Variants in EIF4E2 observed in about 807,000 individuals in gnomAD.
EIF4E2 encodes the protein eukaryotic translation initiation factor 4E family member 2.
In EIF4E2, 13 loss-of-function variants were observed where a neutral mutation model predicts 34.2. The ratio of observed to expected loss-of-function variants is 0.38; its 90% CI spans 0.25 to 0.60. The LOEUF (loss-of-function observed/expected upper bound fraction) is 0.60. EIF4E2 is among the 20% of genes least tolerant of loss of function. EIF4E2 has a pLI of 0.62. For synonymous variants in EIF4E2, 100 were observed against 106.6 expected (o/e 0.94, Z 0.38); for missense variants, 222 against 315.1 (o/e 0.70, Z 2.24).
chr2:232,568,384 C>G (rs993936182), intron 6 of EIF4E2: 2 of 985,270 alleles, frequency 2.0e-6, no homozygotes, highest in East Asian at 2.3e-4. Context: ...TAGTCACGAA[C>G]AGTTATTAGC....
chr2:232,580,099 C>T (rs1289565305), intron 6 of EIF4E2, among the ~76,000 whole-genome samples: 1 of 68,832 alleles, frequency 1.5e-5, no homozygotes, highest in Non-Finnish European at 3.0e-5. Context: ...CACACACACA[C>T]ACACACACAC....
chr2:232,558,899 A>G (rs1692618079), intron 3 of EIF4E2: 1 of 152,136 alleles, frequency 6.6e-6, no homozygotes, highest in Non-Finnish European at 1.5e-5. Flanking sequence ...TCTCTCTCCC[A>G]GGTGACTTGG....
rs941629256 is a variant in EIF4E2 at position 232,550,864 on chromosome 2, G to A, written c.20+120G>A. On this transcript the variant is annotated intron_variant, in intron 1 of 6. Transcript: ENST00000258416. ...CCGGCTTCCCTGCTGGGATCCGGCTGCGGCCGGACCTGGCCTGGACTGGCG... is the reference window on the plus strand; with the variant it reads ...CCGGCTTCCCTGCTGGGATCCGGCTACGGCCGGACCTGGCCTGGACTGGCG... The A allele has an allele frequency of 1.0e-5, 11 of 1,054,632 alleles. No individual in the cohort carries two copies. In the African/African-American group the frequency reaches 1.8e-4, roughly 18 times the overall value. 65.3% of individuals were successfully genotyped at this position (1,054,632 alleles called of 1,614,324 possible). A position where few individuals can be genotyped will look rare whatever the true frequency, so the allele number is the denominator to read the frequency against.
chr2:232,567,688 A>T (rs1208639626), intron 6 of EIF4E2: 4 of 1,004,704 alleles, frequency 4.0e-6, no homozygotes, highest in Non-Finnish European at 4.7e-6. Flanking sequence ...TATAGAGCTG[A>T]CTCTTAGAAG....
At chr2:232,576,670 T>C (rs1407958382) in intron 6 of EIF4E2, among the ~76,000 whole-genome samples, 1 of 152,210 alleles carries the variant, frequency 6.6e-6, no homozygotes, top group Non-Finnish European at 1.5e-5. Flanking sequence ...AAAAATCCAC[T>C]CACTTCATTG....
At chr2:232,577,306 G>A (rs13393692) in intron 6 of EIF4E2, among the ~76,000 whole-genome samples, 36,066 of 152,000 alleles carry the variant, frequency 0.24, 4,787 homozygotes, top group East Asian at 0.35. Context: ...TTAGGTCTAC[G>A]GGACCCCTCA....
In EIF4E2 at chr2:232,550,957, G is replaced by A. The variant is rs528116835; in HGVS notation, c.20+213G>A. On this transcript the variant is annotated intron_variant, in intron 1 of 6. Transcript: ENST00000258416. ...GACCCCAGGGCCGTCCGAACCGAGG[G>A]CGAAGAGCTGGGCCCGGGGGAGGGG... is the stretch of plus-strand genomic sequence containing the variant. 1.9e-4 allele frequency: 118 copies of A among 625,010 alleles called. 2 individuals are homozygous for A. The South Asian group carries it at 2.1e-3, about 11-fold the overall frequency. The allele number at this position is 625,010 out of a possible 1,614,324, so 38.7% of individuals were successfully genotyped here. A position where few individuals can be genotyped will look rare whatever the true frequency, so the allele number is the denominator to read the frequency against.
chr2:232,556,554 A>G (rs552554328), intron 2 of EIF4E2, 24 bp downstream of exon 2: 2 of 1,512,774 alleles, frequency 1.3e-6, no homozygotes, highest in East Asian at 2.3e-5. Flanking sequence ...GCACAGATGT[A>G]GTTGCCTTTG....
At chr2:232,552,235 A>G (rs1288034286) in intron 1 of EIF4E2, among the ~76,000 whole-genome samples, 5 of 152,058 alleles carry the variant, frequency 3.3e-5, no homozygotes, top group Admixed American at 3.3e-4. Context: ...TTTTTGAGAC[A>G]GGGTCTCGCT....
rs373307064 is a variant in EIF4E2, at chr2:232,564,335, T to C, written c.359T>C (p.Ile120Thr). 4 of 1,583,178 alleles carry C rather than the reference T, an allele frequency of 2.5e-6. No homozygotes were observed. Among genetic ancestry groups the C allele is most frequent in the Non-Finnish European group, 2.6e-6 (3 of 1,162,284 alleles). Residue 120 changes from isoleucine (I) to threonine (T), a missense_variant, in exon 4 of 7, where the codon ATT becomes ACT. Physicochemically the swap from Ile to Thr is moderately conservative, Grantham distance 89 (BLOSUM62 -1). Transcript: ENST00000258416. ...HSDFHLFKEG[I>T]KPMWEDDANK... The stretch of plus-strand genomic sequence containing the variant: ...GACTTCCATCTCTTCAAAGAAGGAA[T>C]TAAACCCATGTGGGAGGTAAGGACT...
downstream of EIF4E2, among the ~76,000 whole-genome samples, chr2:232,571,862 C>T (rs1208665597): frequency 2.6e-5 from 4 of 152,168 alleles, no homozygotes; most frequent in Non-Finnish European, 5.9e-5. Context: ...GTAGGCAAAG[C>T]GAAGAGAGCC....
At chr2:232,563,360 A>G (rs1692789718) in intron 3 of EIF4E2, among the ~76,000 whole-genome samples, 1 of 151,352 alleles carries the variant, frequency 6.6e-6, no homozygotes, top group South Asian at 2.1e-4. Context: ...AGCTATGATC[A>G]TACTGCTGCG....
In EIF4E2 at chr2:232,581,097, T is replaced by C; in HGVS notation, c.*154T>C. ...CTCATTCCTGGAGGACGGATTCCGCTAGACACCCTCCAGCATCGCTGACTT... is the reference window on the plus strand; with the variant it reads ...CTCATTCCTGGAGGACGGATTCCGCCAGACACCCTCCAGCATCGCTGACTT... On this transcript the variant is annotated 3_prime_UTR_variant, in exon 7 of 7. Coordinates refer to the EIF4E2 transcript ENST00000409098. This position sits in a 1 kb window ranked among gnomAD's most constrained non-coding sequence, Gnocchi z 5.2. The C allele has an allele frequency of 1.3e-6, 1 of 777,490 alleles. No homozygotes were observed. Among genetic ancestry groups the C allele is most frequent in the Non-Finnish European group, 2.3e-6 (1 of 441,406 alleles). 48.2% of individuals were successfully genotyped at this position (777,490 alleles called of 1,614,324 possible). A position where few individuals can be genotyped will look rare whatever the true frequency, so the allele number is the denominator to read the frequency against.
intron 6 of EIF4E2, among the ~76,000 whole-genome samples, chr2:232,580,449 T>C (rs1057152055): frequency 2.0e-5 from 3 of 152,234 alleles, no homozygotes; most frequent in African/African-American, 7.2e-5. Context: ...GTTGGTTTCC[T>C]GTGTAGCCTT....
At chr2:232,577,114 G>A (rs999482798) in intron 6 of EIF4E2, among the ~76,000 whole-genome samples, 2 of 152,218 alleles carry the variant, frequency 1.3e-5, no homozygotes, top group African/African-American at 4.8e-5. Context: ...CAGTGAGTCT[G>A]TATTGTTGGG....
chr2:232,560,067 A>G lies in EIF4E2; in HGVS notation c.270+2049A>G, dbSNP rs1015421685. ...GAGCCAGTATAATTGAAACTCAGGTACAGAAGCTTCCAGATAGCTGAACAC... is the reference window on the plus strand; with the variant it reads ...GAGCCAGTATAATTGAAACTCAGGTGCAGAAGCTTCCAGATAGCTGAACAC... On this transcript the variant is annotated intron_variant, in intron 3 of 6. Transcript: ENST00000258416. Among the ~76,000 whole-genome samples the G allele has an allele frequency of 2.6e-5, 4 of 152,182 alleles. 1 individual carries two copies. The highest frequency in any genetic ancestry group is 4.1e-4 in the South Asian group (2 of 4,820).
chr2:232,565,143 G>A (rs1337706571), intron 4 of EIF4E2, among the ~76,000 whole-genome samples: 2 of 152,156 alleles, frequency 1.3e-5, no homozygotes, highest in Non-Finnish European at 2.9e-5. Flanking sequence ...TCACATCCAC[G>A]CCACCCATCT....
At chr2:232,567,335 C>T in intron 6 of EIF4E2, 121 bp downstream of exon 6, 2 of 1,517,136 alleles carry the variant, frequency 1.3e-6, no homozygotes, top group Non-Finnish European at 1.8e-6. Flanking sequence ...ACAGACCAGG[C>T]CTTCCCTCTA....
At chr2:232,560,961 A>G (rs765270955) in intron 3 of EIF4E2, among the ~76,000 whole-genome samples, 2 of 152,228 alleles carry the variant, frequency 1.3e-5, no homozygotes, top group African/African-American at 2.4e-5. Context: ...TCTAAAAGGA[A>G]TGAAGGCACA....
Sources: gnomAD v4.1 joint callset for allele counts (sites outside exome capture counted in the v4.1 genomes callset) on GRCh38, gnomAD v4.1.1 for gene constraint, Gnocchi (gnomAD v3.1) non-coding constraint, MANE v1.5 for transcripts, NCBI Gene and HGNC (gene_info 2026-07-23, HGNC 2026-07-21) for gene names.